The following PLCZ1 variants were observed in gnomAD, a reference collection of about 807,000 sequenced individuals.
PLCZ1 encodes the protein 1-phosphatidylinositol 4,5-bisphosphate phosphodiesterase zeta-1.
In PLCZ1, 64 loss-of-function variants were observed where a neutral mutation model predicts 76.8. The observed-to-expected ratio is 0.83, with a 90% CI of 0.68 to 1.03. PLCZ1 has a LOEUF of 1.03. Ranked by LOEUF, PLCZ1 falls within the 50% of genes least tolerant of loss-of-function variation. The pLI is 0.00. For synonymous variants in PLCZ1, 248 were observed against 230.8 expected (o/e 1.07, Z -0.68); for missense variants, 751 against 713.7 (o/e 1.05, Z -0.60).
At chr12:18,696,322 CTATATATATA>C (rs71440372) in intron 10 of PLCZ1, 56 bp from the exon 11 acceptor site, 6,094 of 263,852 alleles carry the variant, frequency 0.023, 7 homozygotes, top group Non-Finnish European at 0.026. Flanking sequence ...TAAAAAGCCA[CTATATATATA>C]TATATATATA....
chr12:18,650,704 GTATATATCTATATATATA>G, the PLCZ1 span, among the ~76,000 whole-genome samples: 79 of 57,776 alleles, frequency 1.4e-3, no homozygotes, highest in African/African-American at 4.1e-3. Flanking sequence ...GTGTGTGTGT[GTATATATCTATATATATA>G]TATATATATA....
intron 13 of PLCZ1, among the ~76,000 whole-genome samples, chr12:18,687,287 C>T (rs1339693990): frequency 1.3e-5 from 2 of 152,094 alleles, no homozygotes; most frequent in African/African-American, 2.4e-5. Flanking sequence ...AAAAAGAAAA[C>T]TGTGCCTGCT....
chr12:18,697,227 CA>C (rs1288175268), intron 10 of PLCZ1, among the ~76,000 whole-genome samples: 1 of 152,046 alleles, frequency 6.6e-6, no homozygotes, highest in East Asian at 1.9e-4. Flanking sequence ...AGAATAGAAT[CA>C]CCTCTCCCTT....
chr12:18,722,305 A>C (rs1358040593), intron 4 of PLCZ1, among the ~76,000 whole-genome samples: 1 of 152,046 alleles, frequency 6.6e-6, no homozygotes, highest in Admixed American at 6.6e-5. Context: ...CCTCCAACCC[A>C]TCAGGAATTC....
chr12:18,722,233 C>T (rs1357433257), intron 4 of PLCZ1, among the ~76,000 whole-genome samples: 10 of 151,990 alleles, frequency 6.6e-5, no homozygotes, highest in Admixed American at 6.6e-5. Context: ...TCTATGTTTC[C>T]GTATCACATA....
chr12:18,690,575 C>A (rs1356857177), intron 12 of PLCZ1, among the ~76,000 whole-genome samples: 1 of 152,042 alleles, frequency 6.6e-6, no homozygotes, highest in Non-Finnish European at 1.5e-5. Flanking sequence ...AGACAAGTTA[C>A]AAGTAAATAA....
Position 18,723,350 on chromosome 12 carries a change from C to T in PLCZ1, c.328G>A (p.Ala110Thr), listed in dbSNP as rs1565732727. 1 of 1,612,592 alleles carries T rather than the reference C, an allele frequency of 6.2e-7. No homozygotes were observed. The highest frequency in any genetic ancestry group is 2.2e-5 in the East Asian group (1 of 44,772). ...TCGTATTTCTGAATGATCTCAAAAG[C>T]AATAGCTTTACTCATCTCAGCTGCA... ...QYAAEMSKAI[A>T]FEIIQKYEPI... The change falls in exon 4 of 15, where the codon GCT becomes ACT. Residue 110 changes from alanine to threonine, a missense_variant. Coordinates refer to ENST00000266505, the MANE Select transcript of PLCZ1 (RefSeq NM_033123.4).
At chr12:18,688,826 T>A (rs994283268) in intron 12 of PLCZ1, among the ~76,000 whole-genome samples, 1 of 152,068 alleles carries the variant, frequency 6.6e-6, no homozygotes, top group African/African-American at 2.4e-5. Flanking sequence ...ATATTTGAAA[T>A]GTACTGACTT....
At chr12:18,653,063 T>C in the PLCZ1 span, among the ~76,000 whole-genome samples, 5 of 152,168 alleles carry the variant, frequency 3.3e-5, no homozygotes, top group East Asian at 7.8e-4. Flanking sequence ...TCCTCGAAAC[T>C]TCTGCAAAAA....
intron 11 of PLCZ1, among the ~76,000 whole-genome samples, chr12:18,695,441 T>C (rs1954824625): frequency 6.6e-6 from 1 of 152,128 alleles, no homozygotes; most frequent in South Asian, 2.1e-4. Context: ...ATCAACTATG[T>C]CATAAATTTT....
rs144476452 is a variant in PLCZ1, at chr12:18,730,147, C to T, written c.135+6074G>A. Among the ~76,000 whole-genome samples the T allele has an allele frequency of 9.9e-4, 150 of 152,192 alleles. 3 individuals are homozygous for T. The East Asian group carries it at 0.025, about 25-fold the overall frequency. Reference sequence around the variant, plus strand: ...AGTAGTAAACAGCTAGGATGTCTTACAGCCAAGAATCTCTAGTGCTCTGAG... The same window carrying T: ...AGTAGTAAACAGCTAGGATGTCTTATAGCCAAGAATCTCTAGTGCTCTGAG... On this transcript the variant is annotated intron_variant, in intron 3 of 14. Coordinates refer to ENST00000266505, the MANE Select transcript of PLCZ1 (RefSeq NM_033123.4).
chr12:18,699,849 A>G lies in PLCZ1; in HGVS notation c.1119T>C (p.Phe373=), dbSNP rs141771255. The change falls in exon 10 of 15, where the codon TTT becomes TTC. Residue 373 remains phenylalanine (F), a synonymous_variant. Transcript: ENST00000266505. Reference sequence around the variant, plus strand: ...TCTCCCCAATAGAATTATTTTCATTAAATTGCTGATATAATCTTGAATGTT... The same window carrying G: ...TCTCCCCAATAGAATTATTTTCATTGAATTGCTGATATAATCTTGAATGTT... The part of the protein sequence containing the change: ...SFQHSRLYQQ[F]NENNSIGETQ... The G allele has an allele frequency of 1.0e-3, 1,643 of 1,613,448 alleles. 1 individual carries two copies. The highest frequency in any genetic ancestry group is 1.3e-3 in the Non-Finnish European group (1,554 of 1,179,648).
intron 7 of PLCZ1, among the ~76,000 whole-genome samples, chr12:18,702,494 A>G (rs944425486): frequency 6.6e-6 from 1 of 152,092 alleles, no homozygotes; most frequent in Non-Finnish European, 1.5e-5. Context: ...TATAAAGTAA[A>G]GTTCTTTTCT....
At chr12:18,714,749 T>G (rs1055281128) in intron 5 of PLCZ1, 9 of 152,248 alleles carry the variant, frequency 5.9e-5, no homozygotes, top group African/African-American at 2.2e-4. Flanking sequence ...CTGCCACAAC[T>G]GGAGATAGGG....
chr12:18,703,452 A>C (rs770414314), intron 7 of PLCZ1, among the ~76,000 whole-genome samples: 17 of 152,204 alleles, frequency 1.1e-4, no homozygotes, highest in Admixed American at 3.3e-4. Flanking sequence ...CATGTAATAC[A>C]GCTGTTTTTC....
At chr12:18,671,971 A>G in the PLCZ1 span, among the ~76,000 whole-genome samples, 2 of 152,120 alleles carry the variant, frequency 1.3e-5, no homozygotes, top group Non-Finnish European at 2.9e-5. Flanking sequence ...CTCTTTTATC[A>G]GGACACAAAT....
the PLCZ1 span, chr12:18,647,959 T>G: frequency 1.2e-6 from 2 of 1,602,884 alleles, no homozygotes; most frequent in Non-Finnish European, 1.7e-6. Flanking sequence ...TGGGAGCAAT[T>G]AACATCCGAC....
chr12:18,648,055 CA>C, the PLCZ1 span: 142,296 of 1,438,964 alleles, frequency 0.099, 7,712 homozygotes, highest in African/African-American at 0.2. Flanking sequence ...ATGCATTATT[CA>C]TTAACTACTT....
chr12:18,649,759 A>T, the PLCZ1 span, among the ~76,000 whole-genome samples: 2 of 152,236 alleles, frequency 1.3e-5, no homozygotes, highest in Non-Finnish European at 2.9e-5. Context: ...ACTTGTCAAC[A>T]GTATTGGATA....
Sources: allele counts gnomAD v4.1 joint callset (sites outside exome capture counted in the v4.1 genomes callset), GRCh38; gene constraint gnomAD v4.1.1; transcripts MANE v1.5; gene names NCBI Gene and HGNC (gene_info 2026-07-23, HGNC 2026-07-21).